The following DYNC2H1 variants were observed in gnomAD, a reference collection of about 807,000 sequenced individuals.
DYNC2H1 encodes the protein dynein cytoplasmic 2 heavy chain 1.
A neutral mutation model predicts 570.0 loss-of-function variants in DYNC2H1; 410 were observed. The ratio of observed to expected loss-of-function variants is 0.72; its 90% CI spans 0.66 to 0.78. DYNC2H1 has a LOEUF of 0.78. DYNC2H1 is among the 30% of genes least tolerant of loss of function. DYNC2H1 has a pLI of 0.00. For synonymous variants in DYNC2H1, 1,688 were observed against 1,677.6 expected, an observed-to-expected ratio of 1.01 and a Z score of -0.15; for missense variants, 4,865 against 5,046.4, an observed-to-expected ratio of 0.96 and a Z score of 1.09.
chr11:103,204,880 G>A lies in DYNC2H1; in HGVS notation c.8370G>A (p.Met2790Ile), dbSNP rs201419080. The change falls in exon 52 of 89, where the codon ATG becomes ATA. Residue 2790 changes from methionine (M) to isoleucine (I), a missense_variant. Around this residue, in one of 5 missense-constraint regions of DYNC2H1, gnomAD observed 2,401 missense variants for 2,454.6 expected, o/e 0.98. Transcript: ENST00000375735. This position sits in a 1 kb window ranked among gnomAD's most constrained non-coding sequence, Gnocchi z 4.1. ...LIMDSANSNF[M>I]INCESNPALH... ...TGGATTCTGCAAATTCAAACTTCAT[G>A]ATAAACTGTGAGAGTAATCCAGCTT... 19 of 1,591,398 alleles carry A rather than the reference G, an allele frequency of 1.2e-5. No individual in the cohort carries two copies. The African/African-American group carries it at 2.3e-4, about 19-fold the overall frequency.
At chr11:103,190,308 A>G (rs999587853) in intron 45 of DYNC2H1, among the ~76,000 whole-genome samples, 1 of 152,220 alleles carries the variant, frequency 6.6e-6, no homozygotes, top group African/African-American at 2.4e-5. Context: ...TCTTGCCAGT[A>G]GTAGTCCTAG....
chr11:103,276,699 T>G (rs1462088488), intron 70 of DYNC2H1, among the ~76,000 whole-genome samples: 1 of 152,122 alleles, frequency 6.6e-6, no homozygotes, highest in African/African-American at 2.4e-5. Context: ...CTCCTCCTTC[T>G]ACAAAATGGA....
chr11:103,235,930 G>T, intron 62 of DYNC2H1, 117 bp downstream of exon 62: 1 of 1,291,120 alleles, frequency 7.7e-7, no homozygotes. Context: ...TTTTTAAATG[G>T]GGGAAATTTT....
intron 82 of DYNC2H1, among the ~76,000 whole-genome samples, chr11:103,338,367 G>T (rs1414964366): frequency 6.6e-6 from 1 of 152,086 alleles, no homozygotes; most frequent in African/African-American, 2.4e-5. Context: ...ATCTTTTGTG[G>T]TTCCATATAA....
rs1326933122 is a variant in DYNC2H1, at chr11:103,383,513, G to C, written c.12157-16150G>C. ...TTTTGAGATGGAGTCTCGCTCTATTGTCCAGGCTGGAGTGCAGTGGCGCAA... is the reference window on the plus strand; with the variant it reads ...TTTTGAGATGGAGTCTCGCTCTATTCTCCAGGCTGGAGTGCAGTGGCGCAA... On this transcript the variant is annotated intron_variant, in intron 83 of 88. Transcript: ENST00000375735. 4.1e-5 allele frequency among the ~76,000 whole-genome samples: 6 copies of C among 145,450 alleles called. No individual in the cohort carries two copies. The South Asian group carries it at 8.6e-4, about 21-fold the overall frequency.
At chr11:103,253,824 T>A (rs11225635) in intron 66 of DYNC2H1, among the ~76,000 whole-genome samples, 26,801 of 152,044 alleles carry the variant, frequency 0.18, 3,014 homozygotes, top group African/African-American at 0.32. Context: ...TAGTTAAGAG[T>A]CTTTGATTCC....
chr11:103,460,194 A>C (rs1944962852), intron 87 of DYNC2H1, among the ~76,000 whole-genome samples: 1 of 151,930 alleles, frequency 6.6e-6, no homozygotes, highest in Middle Eastern at 3.2e-3. Context: ...AGCTCATGAG[A>C]AGTACCTTGG....
intron 75 of DYNC2H1, among the ~76,000 whole-genome samples, chr11:103,288,635 T>A (rs1451997867): frequency 8.1e-6 from 1 of 124,030 alleles, no homozygotes; most frequent in African/African-American, 3.2e-5. Context: ...TCACTCGAGG[T>A]CAGGAGTTCA....
chr11:103,241,638 A>T lies in DYNC2H1; in HGVS notation c.9820-2055A>T. ...TGTGTGCTATTGAATGCTAGCATAA[A>T]ATTAGATCAAAAACCTAGGTGCAGC... On this transcript the variant is annotated intron_variant, in intron 63 of 88. Transcript: ENST00000375735. The surrounding 1 kb of genome is among the most constrained non-coding windows in gnomAD (Gnocchi z 5.1). The T allele has an allele frequency of 9.0e-7, 1 of 1,105,388 alleles. No individual in the cohort carries two copies. The highest frequency in any genetic ancestry group is 1.3e-6 in the Non-Finnish European group (1 of 769,408). The allele number at this position is 1,105,388 out of a possible 1,614,324, so 68.5% of individuals were successfully genotyped here.
intron 83 of DYNC2H1, among the ~76,000 whole-genome samples, chr11:103,365,218 G>T (rs1940847930): frequency 6.6e-6 from 1 of 152,012 alleles, no homozygotes; most frequent in South Asian, 2.1e-4. Context: ...AAAATTAGCT[G>T]GGCATGGTGG....
chr11:103,335,994 G>A (rs1939102871), intron 82 of DYNC2H1, among the ~76,000 whole-genome samples: 1 of 152,114 alleles, frequency 6.6e-6, no homozygotes. Flanking sequence ...ATGCCTGTAT[G>A]ACACACTCAG....
Position 103,114,135 on chromosome 11 carries a change from A to C in DYNC2H1, c.399A>C (p.Lys133Asn), listed in dbSNP as rs767903718. The change falls in exon 3 of 89, where the codon AAA (lysine) becomes AAC (asparagine). Residue 133 changes from lysine to asparagine, a missense_variant. Transcript: ENST00000375735. ...DQEWSRNFDP[K>N]LQNLLSELEA... ...AATGGAGCAGAAACTTTGATCCCAA[A>C]CTTCAGAATCTTTTGAGTGAACTAG... The C allele has an allele frequency of 6.2e-7, 1 of 1,610,496 alleles. No homozygotes were observed. The highest frequency in any genetic ancestry group is 1.1e-5 in the South Asian group (1 of 90,234).
chr11:103,345,031 T>C (rs1336592661), intron 82 of DYNC2H1, among the ~76,000 whole-genome samples: 1 of 152,216 alleles, frequency 6.6e-6, no homozygotes, highest in Non-Finnish European at 1.5e-5. Context: ...GTGCATGCAT[T>C]CTTTCAATCT....
rs190307715 is a variant in DYNC2H1 at position 103,146,814 on chromosome 11, G to C, written c.2703-958G>C. 3.3e-3 allele frequency among the ~76,000 whole-genome samples: 499 copies of C among 152,204 alleles called. 9 individuals carry two copies. The highest frequency in any genetic ancestry group is 0.029 in the Admixed American group (443 of 15,284). On this transcript the variant is annotated intron_variant, in intron 18 of 88. Transcript: ENST00000375735. ...GACAGGGGTCTCACCATGTGGGCCA[G>C]GCTGGTTTTGAACTCCTGACCTCAG...
chr11:103,254,768 G>T lies in DYNC2H1; in HGVS notation c.10207-647G>T, dbSNP rs1565435350. 6.6e-6 allele frequency among the ~76,000 whole-genome samples: 1 copy of T among 151,766 alleles called. No homozygotes were observed. Among genetic ancestry groups the T allele is most frequent in the African/African-American group, 2.4e-5 (1 of 41,358 alleles). On this transcript the variant is annotated intron_variant, in intron 66 of 88. Transcript: ENST00000375735. This position sits in a 1 kb window ranked among gnomAD's most constrained non-coding sequence, Gnocchi z 4.9. ...GACATAGTATTTTATCTTTTTATTT[G>T]TTTATTTTATTTTATTTTTTTGAGA...
chr11:103,131,788 A>T (rs913081128), intron 13 of DYNC2H1, among the ~76,000 whole-genome samples: 20 of 151,998 alleles, frequency 1.3e-4, no homozygotes, highest in African/African-American at 4.8e-4. Context: ...CTGACAAACT[A>T]CTGTCATTTG....
rs1866933412 is a variant in DYNC2H1 at position 103,298,691 on chromosome 11, C to G, written c.11096-4402C>G. Among the ~76,000 whole-genome samples the G allele has an allele frequency of 4.6e-5, 7 of 152,082 alleles. No individual in the cohort carries two copies. The South Asian group carries it at 1.5e-3, about 32-fold the overall frequency. ...ATTTCAGGAATAAGTTTTAAAAATT[C>G]AAATTACCAGAGAACAACAGGCACT... On this transcript the variant is annotated intron_variant, in intron 75 of 88. Transcript: ENST00000375735.
chr11:103,229,130 C>G (rs537653964), intron 59 of DYNC2H1, among the ~76,000 whole-genome samples: 27 of 152,158 alleles, frequency 1.8e-4, no homozygotes, highest in Non-Finnish European at 3.2e-4. Context: ...CAGCCAGTGA[C>G]CAGGGCTGAG....
chr11:103,249,908 C>A lies in DYNC2H1; in HGVS notation c.10043-3377C>A, dbSNP rs1327787170. On this transcript the variant is annotated intron_variant, in intron 65 of 88. Transcript: ENST00000375735. The surrounding 1 kb of genome is among the most constrained non-coding windows in gnomAD (Gnocchi z 4.6). ...CCATTGTTTGCTCTTTCTGATCACA[C>A]CCAATTCCCAGGAAAAGTACATTTT... Among the ~76,000 whole-genome samples the A allele has an allele frequency of 1.3e-5, 2 of 152,046 alleles. No individual in the cohort carries two copies. Among genetic ancestry groups the A allele is most frequent in the Non-Finnish European group, 2.9e-5 (2 of 67,980 alleles).
Sources: gnomAD v4.1 joint callset for allele counts (sites outside exome capture counted in the v4.1 genomes callset) on GRCh38, gnomAD v4.1.1 for gene constraint, gnomAD v4.1.1 regional missense constraint, Gnocchi (gnomAD v3.1) non-coding constraint, MANE v1.5 for transcripts, NCBI Gene and HGNC (gene_info 2026-07-23, HGNC 2026-07-21) for gene names.